The following HDGFL3 variants were observed in gnomAD, a reference collection of about 807,000 sequenced individuals.
HDGFL3 encodes the protein HDGF like 3, also known as hepatoma-derived growth factor-related protein 3.
A neutral mutation model predicts 27.6 loss-of-function variants in HDGFL3; 6 were observed. The observed-to-expected ratio is 0.22, with a 90% CI of 0.12 to 0.43. The LOEUF (loss-of-function observed/expected upper bound fraction) is 0.43, where lower values mean the gene tolerates loss of function less well. Ranked by LOEUF, HDGFL3 falls within the 20% of genes least tolerant of loss-of-function variation. The pLI, the probability that HDGFL3 is intolerant of heterozygous loss-of-function variation, is 1.00. For missense variants in HDGFL3, 207 were observed against 250.1 expected (o/e 0.83, Z 1.16); for synonymous variants, 88 against 88.9 (o/e 0.99, Z 0.05).
chr15:83,121,528 G>A (rs948931792), intron 3 of HDGFL3, among the ~76,000 whole-genome samples: 3 of 152,134 alleles, frequency 2.0e-5, no homozygotes, highest in African/African-American at 7.2e-5. Context: ...CATTATCATT[G>A]TAAGTATAAC....
rs927301260 is a variant in HDGFL3 at position 83,131,749 on chromosome 15, T to C, written c.*7521A>G. ...AGATCAAGGAAAGAGTAAAAGAAGA[T>C]TGAATAAAATGAAACCAGGACACAT... On this transcript the variant is annotated 3_prime_UTR_variant, in exon 6 of 6. Coordinates refer to ENST00000299633, the MANE Select transcript of HDGFL3 (RefSeq NM_016073.4). 2.0e-5 allele frequency: 3 copies of C among 152,132 alleles called. No individual in the cohort carries two copies. The highest frequency in any genetic ancestry group is 7.2e-5 in the African/African-American group (3 of 41,426). The allele number at this position is 152,132 out of a possible 1,614,324, so 9.4% of individuals were successfully genotyped here. A position where few individuals can be genotyped will look rare whatever the true frequency, so the allele number is the denominator to read the frequency against.
intron 3 of HDGFL3, chr15:83,120,228 C>G (rs2035092399): frequency 6.3e-6 from 1 of 157,752 alleles, no homozygotes; most frequent in Admixed American, 6.0e-5. Flanking sequence ...TTGGTACCCC[C>G]ATCATGATAT....
chr15:83,121,886 A>G, intron 3 of HDGFL3: 1 of 1,518,396 alleles, frequency 6.6e-7, no homozygotes, highest in Admixed American at 2.0e-5. Context: ...AGACAAACAT[A>G]CCAAGTCAAG....
intron 1 of HDGFL3, among the ~76,000 whole-genome samples, chr15:83,202,951 T>C (rs1200430220): frequency 6.6e-6 from 1 of 152,144 alleles, no homozygotes; most frequent in African/African-American, 2.4e-5. Context: ...ATGAAGAAAG[T>C]TGTTATGTAT....
intron 5 of HDGFL3, among the ~76,000 whole-genome samples, chr15:83,142,141 A>C (rs2036784306): frequency 6.6e-6 from 1 of 152,310 alleles, no homozygotes; most frequent in South Asian, 2.1e-4. Flanking sequence ...AAATAGAACT[A>C]CCATTCAACC....
exon 4 of HDGFL3, chr15:83,115,546 T>G: frequency 2.0e-6 from 1 of 506,302 alleles, no homozygotes; most frequent in African/African-American, 1.9e-5. Context: ...GAGTGGAGGA[T>G]GGGTGGAGTT....
At chr15:83,158,111 TCAGTG>T in intron 2 of HDGFL3, 70 bp from the exon 3 acceptor site, 1 of 1,315,862 alleles carries the variant, frequency 7.6e-7, no homozygotes, top group East Asian at 2.3e-5. Context: ...AATATCAGTA[TCAGTG>T]AAGATGTCAG....
At chr15:83,197,682 C>G (rs1050025566) in intron 1 of HDGFL3, among the ~76,000 whole-genome samples, 1 of 152,136 alleles carries the variant, frequency 6.6e-6, no homozygotes, top group Admixed American at 6.5e-5. Flanking sequence ...AACTCCACAG[C>G]CTCAATATCA....
At chr15:83,205,291 T>C (rs62010255) in intron 1 of HDGFL3, among the ~76,000 whole-genome samples, 37,886 of 152,108 alleles carry the variant, frequency 0.25, 5,051 homozygotes, top group African/African-American at 0.34. Context: ...CCTTTGGAAA[T>C]TGCAGCATGC....
At chr15:83,198,825 C>A (rs2037602793) in intron 1 of HDGFL3, among the ~76,000 whole-genome samples, 4 of 152,154 alleles carry the variant, frequency 2.6e-5, no homozygotes, top group Admixed American at 2.6e-4. Flanking sequence ...TACCACAGGA[C>A]CAGCAACAGT....
intron 1 of HDGFL3, among the ~76,000 whole-genome samples, chr15:83,172,633 T>C (rs1352341704): frequency 6.6e-6 from 1 of 150,576 alleles, no homozygotes; most frequent in Non-Finnish European, 1.5e-5. Context: ...AGGTCAGGAG[T>C]TCAACACCAG....
In HDGFL3 at chr15:83,187,716, C is replaced by T. The variant is rs181309837; in HGVS notation, c.84+19615G>A. On this transcript the variant is annotated intron_variant, in intron 1 of 5. Coordinates refer to ENST00000299633, the MANE Select transcript of HDGFL3 (RefSeq NM_016073.4). ...CCAGCCTGACCAACATGGAGAAACCCCGTCTCCAATAAAAATACAAAATTA... is the reference window on the plus strand; with the variant it reads ...CCAGCCTGACCAACATGGAGAAACCTCGTCTCCAATAAAAATACAAAATTA... Among the ~76,000 whole-genome samples, 263 of 151,894 alleles carry T rather than the reference C, an allele frequency of 1.7e-3. 2 individuals carry two copies. The highest frequency in any genetic ancestry group is 2.9e-3 in the Non-Finnish European group (194 of 67,914).
At chr15:83,126,036 T>G (rs2151374273), downstream of HDGFL3, among the ~76,000 whole-genome samples, 1 of 152,310 alleles carries the variant, frequency 6.6e-6, no homozygotes, top group Admixed American at 6.5e-5. Context: ...CCTGTATTCT[T>G]GCACGGCCAT....
At position 83,127,800 on chromosome 15, in the gene HDGFL3, T is replaced by C. The variant is rs192025547; in HGVS notation, c.*11470A>G. 3.6e-6 allele frequency: 1 copy of C among 281,276 alleles called. No homozygotes were observed. Among genetic ancestry groups the C allele is most frequent in the African/African-American group, 2.3e-5 (1 of 43,442 alleles). 17.4% of individuals were successfully genotyped at this position (281,276 alleles called of 1,614,324 possible). A position where few individuals can be genotyped will look rare whatever the true frequency, so the allele number is the denominator to read the frequency against. Reference sequence around the variant, plus strand: ...ACTGTTTCACAATCTCTGAATACCATGGCTACTAAAAAAGGATTGAGAGCT... The same window carrying C: ...ACTGTTTCACAATCTCTGAATACCACGGCTACTAAAAAAGGATTGAGAGCT... On this transcript the variant is annotated 3_prime_UTR_variant, in exon 6 of 6. Coordinates refer to ENST00000299633, the MANE Select transcript of HDGFL3 (RefSeq NM_016073.4).
rs1220795308 is a variant in HDGFL3 at position 83,133,635 on chromosome 15, T to A, written c.*5635A>T. Reference sequence around the variant, plus strand: ...CTCATATCTGTAATCCTGGGCCTCCTGTTAATTCAGCAGCATTGAGTTCAC... The same window carrying A: ...CTCATATCTGTAATCCTGGGCCTCCAGTTAATTCAGCAGCATTGAGTTCAC... On this transcript the variant is annotated 3_prime_UTR_variant, in exon 6 of 6. Transcript: ENST00000299633. 1 of 152,248 alleles carries A rather than the reference T, an allele frequency of 6.6e-6. No individual in the cohort carries two copies. Among genetic ancestry groups the A allele is most frequent in the African/African-American group, 2.4e-5 (1 of 41,466 alleles). The allele number at this position is 152,248 out of a possible 1,614,324, so 9.4% of individuals were successfully genotyped here. A position where few individuals can be genotyped will look rare whatever the true frequency, so the allele number is the denominator to read the frequency against.
chr15:83,170,956 A>T (rs1054672365), intron 1 of HDGFL3, among the ~76,000 whole-genome samples: 1 of 152,166 alleles, frequency 6.6e-6, no homozygotes, highest in Non-Finnish European at 1.5e-5. Flanking sequence ...AAGACATACA[A>T]GCCAAGAAAC....
intron 1 of HDGFL3, among the ~76,000 whole-genome samples, chr15:83,168,198 A>C (rs75647628): frequency 0.011 from 1,714 of 152,312 alleles, 36 homozygotes; most frequent in African/African-American, 0.039. Context: ...CACCAACCTT[A>C]AAATACTAGA....
intron 3 of HDGFL3, among the ~76,000 whole-genome samples, chr15:83,117,353 AAGAG>A (rs2034759822): frequency 1.3e-5 from 2 of 152,198 alleles, no homozygotes; most frequent in Admixed American, 1.3e-4. Flanking sequence ...GCAGTCCTGG[AAGAG>A]AGAGTCACGG....
In HDGFL3 at chr15:83,141,198, C is replaced by T. The variant is rs74341931; in HGVS notation, c.607-1923G>A. Among the ~76,000 whole-genome samples the T allele has an allele frequency of 5.6e-4, 86 of 152,214 alleles. No individual in the cohort carries two copies. In the East Asian group the frequency reaches 0.014, roughly 25 times the overall value. On this transcript the variant is annotated intron_variant, in intron 5 of 5. Coordinates refer to ENST00000299633, the MANE Select transcript of HDGFL3 (RefSeq NM_016073.4). ...CTGAAGTCTCCTCTGAGTAAGTAGC[C>T]ACAAGTGGTTCCTTATGCACTGGTT...
Sources: gnomAD v4.1 joint callset for allele counts (sites outside exome capture counted in the v4.1 genomes callset) on GRCh38, gnomAD v4.1.1 for gene constraint, MANE v1.5 for transcripts, NCBI Gene and HGNC (gene_info 2026-07-23, HGNC 2026-07-21) for gene names.